The following PLXNB2 variants were observed in gnomAD, a reference collection of about 807,000 sequenced individuals.
PLXNB2 encodes the protein plexin B2.
In PLXNB2, 85 loss-of-function variants were observed where a neutral mutation model predicts 202.6. The observed-to-expected ratio is 0.42, with a 90% CI of 0.35 to 0.50. The LOEUF (loss-of-function observed/expected upper bound fraction) is 0.50. Among genes scored for constraint, PLXNB2 ranks in the 20% least tolerant of loss-of-function variants. The pLI is 0.02. For synonymous variants in PLXNB2, 1,239 were observed against 1,137.6 expected, an observed-to-expected ratio of 1.09 and a Z score of -1.79; for missense variants, 2,063 against 2,586.2, an observed-to-expected ratio of 0.80 and a Z score of 4.39.
Position 50,282,199 on chromosome 22 carries a change from G to A in PLXNB2, c.3102C>T (p.Ser1034=), listed in dbSNP as rs1408945552. The A allele has an allele frequency of 1.9e-6, 3 of 1,610,830 alleles. No homozygotes were observed. Among genetic ancestry groups the A allele is most frequent in the Admixed American group, 1.7e-5 (1 of 59,868 alleles). ...QSWQPPREAE[S]LQPMTVVGTD... ...CAGGACTGACCGTCATGGGCTGCAG[G>A]GATTCAGCCTCCCGCGGCGGCTGCC... Residue 1034 remains serine (S), a synonymous_variant, in exon 19 of 37, where the codon TCC becomes TCT. Transcript: ENST00000359337.
At chr22:50,285,123 G>A (rs965692398) in intron 11 of PLXNB2, among the ~76,000 whole-genome samples, 9 of 152,078 alleles carry the variant, frequency 5.9e-5, no homozygotes, top group South Asian at 2.1e-4. Flanking sequence ...CGGGGGGCAC[G>A]GGTGGAGCTC....
intron 16 of PLXNB2, 74 bp downstream of exon 16, chr22:50,283,263 G>A (rs967858635): frequency 4.5e-5 from 73 of 1,606,536 alleles, no homozygotes; most frequent in African/African-American, 1.2e-4. Context: ...GGTAACTGTC[G>A]TGGGGAGGCG....
intron 25 of PLXNB2, 27 bp from the exon 26 acceptor site, chr22:50,280,098 G>A (rs371341825): frequency 8.4e-5 from 131 of 1,557,076 alleles, no homozygotes; most frequent in Admixed American, 5.7e-4. Flanking sequence ...GCCTTGTACC[G>A]AGTGACCCCG....
At chr22:50,298,151 G>T (rs934017213) in intron 1 of PLXNB2, among the ~76,000 whole-genome samples, 1 of 152,228 alleles carries the variant, frequency 6.6e-6, no homozygotes, top group African/African-American at 2.4e-5. Flanking sequence ...GCCGGGAAGG[G>T]GTGGTGACAT....
Position 50,307,643 on chromosome 22 carries a change from G to C in PLXNB2, c.-164C>G. The C allele has an allele frequency of 2.2e-5, 22 of 980,780 alleles. No homozygotes were observed. Among genetic ancestry groups the C allele is most frequent in the Non-Finnish European group, 2.4e-5 (20 of 827,906 alleles). 60.8% of individuals were successfully genotyped at this position (980,780 alleles called of 1,614,324 possible). A position where few individuals can be genotyped will look rare whatever the true frequency, so the allele number is the denominator to read the frequency against. On this transcript the variant is annotated 5_prime_UTR_variant, in exon 1 of 37. Transcript: ENST00000359337. Reference sequence around the variant, plus strand: ...CTGCTGCCATGGAGACGGGGCCTTTGTGTGGCCGAGGAGGGGCCGGAGCGC... The same window carrying C: ...CTGCTGCCATGGAGACGGGGCCTTTCTGTGGCCGAGGAGGGGCCGGAGCGC...
chr22:50,284,779 C>T lies in PLXNB2; in HGVS notation c.2089-114G>A, dbSNP rs935674147. The T allele has an allele frequency of 2.5e-5, 20 of 815,576 alleles. No individual in the cohort carries two copies. The East Asian group carries it at 4.4e-4, about 18-fold the overall frequency. The allele number at this position is 815,576 out of a possible 1,614,324, so 50.5% of individuals were successfully genotyped here. A position where few individuals can be genotyped will look rare whatever the true frequency, so the allele number is the denominator to read the frequency against. ...ACAGTGTGGGAGCCCTCTCCTCACC[C>T]CACACATGCCCGCCCCTCAGATTAC... On this transcript the variant is annotated intron_variant, in intron 11 of 36. Transcript: ENST00000359337. The surrounding 1 kb of genome is among the most constrained non-coding windows in gnomAD (Gnocchi z 8.0).
At position 50,286,060 on chromosome 22, in the gene PLXNB2, C is replaced by G; in HGVS notation, c.1916G>C (p.Trp639Ser). 6.2e-7 allele frequency: 1 copy of G among 1,612,302 alleles called. No homozygotes were observed. The highest frequency in any genetic ancestry group is 8.5e-7 in the Non-Finnish European group (1 of 1,179,988). ...CCGGCACTCGTGGTAGCGCAGGTCC[C>G]ACTGGCAGGTCCAGCGGTTGCTCAC... is the stretch of plus-strand genomic sequence containing the variant. ...SCVSNRWTCQ[W>S]DLRYHECREA... Residue 639 changes from tryptophan to serine, a missense_variant, in exon 10 of 37, where the codon TGG becomes TCG. Trp to Ser is a radical substitution (Grantham distance 177). Coordinates refer to ENST00000359337, the MANE Select transcript of PLXNB2 (RefSeq NM_012401.4).
chr22:50,284,625 A>C lies in PLXNB2; in HGVS notation c.2129T>G (p.Met710Arg), dbSNP rs778433550. Residue 710 changes from methionine to arginine, a missense_variant, in exon 12 of 37, where the codon ATG (methionine) becomes AGG (arginine). Coordinates refer to ENST00000359337, the MANE Select transcript of PLXNB2 (RefSeq NM_012401.4). This position sits in a 1 kb window ranked among gnomAD's most constrained non-coding sequence, Gnocchi z 8.0. ...LHVGSDLLKF[M>R]EPVTMQESGT... ...AGATTCCTGCATGGTCACCGGCTCCATGAACTTGAGCAAGTCACTGCCCAC... is the reference window on the plus strand; with the variant it reads ...AGATTCCTGCATGGTCACCGGCTCCCTGAACTTGAGCAAGTCACTGCCCAC... The C allele has an allele frequency of 6.2e-7, 1 of 1,611,714 alleles. No individual in the cohort carries two copies. Among genetic ancestry groups the C allele is most frequent in the East Asian group, 2.2e-5 (1 of 44,648 alleles).
Position 50,297,282 on chromosome 22 carries a change from C to T in PLXNB2, c.-73-2504G>A, listed in dbSNP as rs781158320. On this transcript the variant is annotated intron_variant, in intron 1 of 36. Transcript: ENST00000359337. The surrounding 1 kb of genome is among the most constrained non-coding windows in gnomAD (Gnocchi z 5.3). ...CTCCAGCCTCCACGGGCCCAGGCCC[C>T]AGGCGTGGGCGGGGGCAGCCAAGGT... is the stretch of plus-strand genomic sequence containing the variant. Among the ~76,000 whole-genome samples the T allele has an allele frequency of 1.2e-4, 18 of 152,320 alleles. No individual in the cohort carries two copies. The highest frequency in any genetic ancestry group is 2.1e-4 in the Non-Finnish European group (14 of 68,000).
intron 27 of PLXNB2, among the ~76,000 whole-genome samples, chr22:50,279,334 G>A (rs2065830017): frequency 6.6e-6 from 1 of 152,210 alleles, no homozygotes; most frequent in Non-Finnish European, 1.5e-5. Context: ...ACACCCACTG[G>A]TCATGTATGC....
At chr22:50,287,645 C>G (rs1288933041) in intron 7 of PLXNB2, 22 bp downstream of exon 7, 2 of 1,531,288 alleles carry the variant, frequency 1.3e-6, no homozygotes, top group Non-Finnish European at 1.8e-6. Flanking sequence ...CCCAGGACCC[C>G]CACCCCAGAC....
intron 1 of PLXNB2, among the ~76,000 whole-genome samples, chr22:50,298,755 C>T (rs1477690334): frequency 6.6e-6 from 1 of 152,176 alleles, no homozygotes; most frequent in African/African-American, 2.4e-5. Context: ...AAGCAATTAT[C>T]CTGCCTCAGC....
At chr22:50,300,309 C>A (rs1403939789) in intron 1 of PLXNB2, 4 of 985,290 alleles carry the variant, frequency 4.1e-6, no homozygotes, top group Non-Finnish European at 4.8e-6. Flanking sequence ...GCACAGCCGG[C>A]CATTACCTAA....
chr22:50,278,551 C>G (rs775505612), intron 29 of PLXNB2, 32 bp from the exon 30 acceptor site: 1 of 1,591,078 alleles, frequency 6.3e-7, no homozygotes, highest in South Asian at 1.1e-5. Flanking sequence ...GTGGGCTGTG[C>G]CCCCAGGGTG....
At position 50,275,439 on chromosome 22, in the gene PLXNB2, A is replaced by G. The variant is rs1466866428; in HGVS notation, c.*265T>C. Reference sequence around the variant, plus strand: ...GTAAGGCACATTTTCAAATCACTGGAGACTCGACAGTGAACACCCGATGCT... The same window carrying G: ...GTAAGGCACATTTTCAAATCACTGGGGACTCGACAGTGAACACCCGATGCT... On this transcript the variant is annotated 3_prime_UTR_variant, in exon 37 of 37. Coordinates refer to ENST00000359337, the MANE Select transcript of PLXNB2 (RefSeq NM_012401.4). 1.7e-6 allele frequency: 1 copy of G among 597,050 alleles called. No individual in the cohort carries two copies. The highest frequency in any genetic ancestry group is 3.1e-6 in the Non-Finnish European group (1 of 317,522). 37.0% of individuals were successfully genotyped at this position (597,050 alleles called of 1,614,324 possible). A position where few individuals can be genotyped will look rare whatever the true frequency, so the allele number is the denominator to read the frequency against.
In PLXNB2 at chr22:50,284,980, G is replaced by A. The variant is rs2066315922; in HGVS notation, c.2089-315C>T. 1 of 496,754 alleles carries A rather than the reference G, an allele frequency of 2.0e-6. No individual in the cohort carries two copies. The highest frequency in any genetic ancestry group is 4.8e-5 in the East Asian group (1 of 20,726). 30.8% of individuals were successfully genotyped at this position (496,754 alleles called of 1,614,324 possible). A position where few individuals can be genotyped will look rare whatever the true frequency, so the allele number is the denominator to read the frequency against. On this transcript the variant is annotated intron_variant, in intron 11 of 36. Transcript: ENST00000359337. This position sits in a 1 kb window ranked among gnomAD's most constrained non-coding sequence, Gnocchi z 8.0. ...AGCTCCCTCCTCAGGAGGTGGCACT[G>A]GCCCCTCAATCTCCACACGCCTGCC...
chr22:50,281,884 C>T lies in PLXNB2; in HGVS notation c.3315G>A (p.Lys1105=). The T allele has an allele frequency of 6.2e-7, 1 of 1,613,006 alleles. No individual in the cohort carries two copies. The highest frequency in any genetic ancestry group is 1.1e-5 in the South Asian group (1 of 91,078). Reference sequence around the variant, plus strand: ...CGTGGATGAGCTTGTTGACCTGCTTCTTGACGCCACCTGTGAAGTTCTCAA... The same window carrying T: ...CGTGGATGAGCTTGTTGACCTGCTTTTTGACGCCACCTGTGAAGTTCTCAA... ...PTFENFTGGV[K]KQVNKLIHAR... The change falls in exon 20 of 37, where the codon AAG becomes AAA. Residue 1105 remains lysine, a synonymous_variant. Transcript: ENST00000359337.
At chr22:50,276,938 CAAGGG>C in intron 33 of PLXNB2, 32 bp from the exon 34 acceptor site, 1 of 1,541,384 alleles carries the variant, frequency 6.5e-7, no homozygotes, top group Non-Finnish European at 8.8e-7. Context: ...GATGCCTGGC[CAAGGG>C]GGCCAGGCTG....
rs1402694378 is a variant in PLXNB2 at position 50,286,173 on chromosome 22, G to A, written c.1877C>T (p.Pro626Leu). The change falls in exon 9 of 37, where the codon CCG (proline) becomes CTG (leucine). Residue 626 changes from proline to leucine, a missense_variant and splice_region_variant. Coordinates refer to ENST00000359337, the MANE Select transcript of PLXNB2 (RefSeq NM_012401.4). ...GGGTCGATGGGCACAAGACACTCAC[G>A]GCAGGTTCTCCTCCAGGCTCATGGC... ...RQAMSLEENL[P>L]CISCVSNRWT... 6.2e-6 allele frequency: 10 copies of A among 1,612,238 alleles called. No individual in the cohort carries two copies. Among genetic ancestry groups the A allele is most frequent in the East Asian group, 4.5e-5 (2 of 44,876 alleles).
Sources: gnomAD v4.1 joint callset for allele counts (sites outside exome capture counted in the v4.1 genomes callset) on GRCh38, gnomAD v4.1.1 for gene constraint, Gnocchi (gnomAD v3.1) non-coding constraint, MANE v1.5 for transcripts, NCBI Gene and HGNC (gene_info 2026-07-23, HGNC 2026-07-21) for gene names.